Variants in NAV3 observed in about 807,000 individuals in gnomAD.
NAV3 encodes neuron navigator 3.
In NAV3, 87 loss-of-function variants were observed where a neutral mutation model predicts 244.7. That is an observed-to-expected ratio of 0.36 (90% CI 0.30 to 0.42). The LOEUF is 0.42. NAV3 is among the 20% of genes least tolerant of loss of function. The pLI is 1.00. For synonymous variants in NAV3, 1,126 were observed against 1,042.2 expected (o/e 1.08, Z -1.55); for missense variants, 2,663 against 2,893.3 (o/e 0.92, Z 1.83).
intron 2 of NAV3, among the ~76,000 whole-genome samples, chr12:77,679,674 G>A (rs1874365252): frequency 6.6e-6 from 1 of 152,186 alleles, no homozygotes; most frequent in Non-Finnish European, 1.5e-5. Flanking sequence ...ACCAACTAGT[G>A]GAAGAAGAGA....
At chr12:77,833,359 C>T (rs926356316) in intron 1 of NAV3, among the ~76,000 whole-genome samples, 2 of 152,030 alleles carry the variant, frequency 1.3e-5, no homozygotes, top group African/African-American at 4.8e-5. Flanking sequence ...ATAGTTATTC[C>T]GAGAAGGATT....
In NAV3 at chr12:77,846,953, G is replaced by A. The variant is rs148621820; in HGVS notation, c.243+15249G>A. On this transcript the variant is annotated intron_variant, in intron 1 of 39. Transcript: ENST00000397909. Reference sequence around the variant, plus strand: ...TTGTCAATAAAACAAACATGTCTTAGTTCCATGAGTTCATCATCAGGAAAT... The same window carrying A: ...TTGTCAATAAAACAAACATGTCTTAATTCCATGAGTTCATCATCAGGAAAT... Among the ~76,000 whole-genome samples, 295 of 152,154 alleles carry A rather than the reference G, an allele frequency of 1.9e-3. 2 individuals are homozygous for A. The highest frequency in any genetic ancestry group is 6.7e-3 in the African/African-American group (278 of 41,492).
At chr12:77,859,864 C>T (rs1878998622) in intron 1 of NAV3, among the ~76,000 whole-genome samples, 1 of 150,792 alleles carries the variant, frequency 6.6e-6, no homozygotes, top group South Asian at 2.1e-4. Context: ...AATTTGAACC[C>T]TGGCATGCCT....
chr12:77,849,862 C>G (rs982256400), intron 1 of NAV3, among the ~76,000 whole-genome samples: 3 of 152,146 alleles, frequency 2.0e-5, no homozygotes, highest in African/African-American at 7.2e-5. Context: ...AAACCTATCT[C>G]ATCAAATATA....
Position 77,984,079 on chromosome 12 carries a change from C to A in NAV3, c.672-10724C>A, listed in dbSNP as rs191352609. On this transcript the variant is annotated intron_variant, in intron 5 of 39. Coordinates refer to ENST00000397909, the MANE Select transcript of NAV3 (RefSeq NM_001024383.2). ...GTGTGTTGTTTTGGGAATGCTGGTT[C>A]TTTGGTGTCTTATTGGGACAGTTTC... Among the ~76,000 whole-genome samples, 373 of 152,244 alleles carry A rather than the reference C, an allele frequency of 2.5e-3. 1 individual carries two copies. Among genetic ancestry groups the A allele is most frequent in the East Asian group, 0.01 (53 of 5,174 alleles).
intron 2 of NAV3, among the ~76,000 whole-genome samples, chr12:77,664,017 A>G (rs1287835915): frequency 3.9e-5 from 6 of 152,090 alleles, no homozygotes; most frequent in Non-Finnish European, 7.3e-5. Flanking sequence ...GTCATAGTCA[A>G]TGTCATGTAA....
rs376307320 is a variant in NAV3, at chr12:77,575,373, T to A, written c.72+3107T>A. On this transcript the variant is annotated intron_variant, in intron 2 of 8. Coordinates refer to the NAV3 transcript ENST00000550042. ...AGGACTGGGTGAAATTTAATGGCTT[T>A]TTTTGAGTCTTGTGATTTATTTTTT... 2.6e-5 allele frequency among the ~76,000 whole-genome samples: 4 copies of A among 152,038 alleles called. No individual in the cohort carries two copies. The East Asian group carries it at 5.8e-4, about 22-fold the overall frequency.
chr12:77,658,086 T>A (rs888701447), intron 2 of NAV3, among the ~76,000 whole-genome samples: 26 of 151,842 alleles, frequency 1.7e-4, no homozygotes, highest in Admixed American at 6.6e-4. Context: ...CTATTCAACA[T>A]AGTGTTGGAA....
intron 2 of NAV3, among the ~76,000 whole-genome samples, chr12:77,712,138 G>A (rs543209928): frequency 1.3e-5 from 2 of 152,126 alleles, no homozygotes; most frequent in South Asian, 2.1e-4. Context: ...ATATTATATT[G>A]TCTAACTTTG....
At chr12:77,817,738 C>G (rs1872576140) in intron 2 of NAV3, among the ~76,000 whole-genome samples, 1 of 151,954 alleles carries the variant, frequency 6.6e-6, no homozygotes, top group South Asian at 2.1e-4. Flanking sequence ...ACCATATGCT[C>G]GTTATGTAAG....
At chr12:78,059,263 G>A in intron 12 of NAV3, 148 bp downstream of exon 12, 1 of 795,526 alleles carries the variant, frequency 1.3e-6, no homozygotes, top group Admixed American at 4.1e-5. Flanking sequence ...TAATTATTTA[G>A]GGTTTTTTTG....
At chr12:77,629,918 A>G (rs1053777566) in intron 2 of NAV3, among the ~76,000 whole-genome samples, 5 of 152,172 alleles carry the variant, frequency 3.3e-5, no homozygotes, top group African/African-American at 1.2e-4. Context: ...GCAAACAAAT[A>G]CTACTACCAA....
chr12:78,015,615 A>T (rs1181039816), intron 8 of NAV3, among the ~76,000 whole-genome samples: 1 of 151,982 alleles, frequency 6.6e-6, no homozygotes, highest in Non-Finnish European at 1.5e-5. Context: ...TGATTGCCTG[A>T]TTAAGATAAT....
intron 2 of NAV3, among the ~76,000 whole-genome samples, chr12:77,711,949 C>T (rs1876138586): frequency 6.6e-6 from 1 of 152,164 alleles, no homozygotes; most frequent in South Asian, 2.1e-4. Context: ...CCAATGAACT[C>T]ACTATGCTTT....
intron 2 of NAV3, among the ~76,000 whole-genome samples, chr12:77,736,998 CT>C (rs774761725): frequency 6.6e-6 from 1 of 152,024 alleles, no homozygotes; most frequent in Non-Finnish European, 1.5e-5. Context: ...TATTTTCCCC[CT>C]AAACTTTCCT....
chr12:78,043,707 G>A (rs1881273375), intron 9 of NAV3, among the ~76,000 whole-genome samples: 1 of 152,188 alleles, frequency 6.6e-6, no homozygotes, highest in South Asian at 2.1e-4. Context: ...TCTTTCATAT[G>A]TTTGTTGGCT....
intron 2 of NAV3, among the ~76,000 whole-genome samples, chr12:77,765,767 T>C (rs373471589): frequency 1.5e-4 from 23 of 151,738 alleles, no homozygotes; most frequent in Non-Finnish European, 2.6e-4. Flanking sequence ...AGACTGGGAA[T>C]AGAAGTCAGA....
chr12:77,944,340 AAAGT>A (rs1175230856), intron 3 of NAV3, among the ~76,000 whole-genome samples: 1 of 152,160 alleles, frequency 6.6e-6, no homozygotes, highest in South Asian at 2.1e-4. Flanking sequence ...TGGGGATTAT[AAAGT>A]AAGTAAGTGT....
rs570237601 is a variant in NAV3 at position 78,077,559 on chromosome 12, T to TA, written c.2636+18445dup. 5.4e-4 allele frequency among the ~76,000 whole-genome samples: 83 copies of TA among 152,366 alleles called. 1 individual carries two copies. Among genetic ancestry groups the TA allele is most frequent in the African/African-American group, 1.9e-3 (78 of 41,584 alleles). On this transcript the variant is annotated intron_variant, in intron 12 of 39. Transcript: ENST00000397909. ...TGAAACAAATCCAAATCTTAACTGT[T>TA]AGACTCTTAAGTTTAACATTGATTC...
Sources: gnomAD v4.1 joint callset for allele counts (sites outside exome capture counted in the v4.1 genomes callset) on GRCh38, gnomAD v4.1.1 for gene constraint, MANE v1.5 for transcripts, NCBI Gene and HGNC (gene_info 2026-07-23, HGNC 2026-07-21) for gene names.